GNL1: variants seen among roughly 807,000 people sequenced by gnomAD.
GNL1 encodes guanine nucleotide-binding protein-like 1.
In GNL1, 21 loss-of-function variants were observed where a neutral mutation model predicts 75.2. The ratio of observed to expected loss-of-function variants is 0.28; its 90% CI spans 0.20 to 0.40. GNL1 has a LOEUF of 0.40. Ranked by LOEUF, GNL1 falls within the 10% of genes least tolerant of loss-of-function variation. GNL1 has a pLI of 1.00. For synonymous variants in GNL1, 287 were observed against 303.4 expected (o/e 0.95, Z 0.56); for missense variants, 579 against 775.0 (o/e 0.75, Z 3.00).
At position 30,542,016 on chromosome 6, in the gene GNL1, C is replaced by T. The variant is rs1799197064; in HGVS notation, c.*4056G>A. On this transcript the variant is annotated 3_prime_UTR_variant, in exon 12 of 12. Coordinates refer to ENST00000376621, the MANE Select transcript of GNL1 (RefSeq NM_005275.5). This position sits in a 1 kb window ranked among gnomAD's most constrained non-coding sequence, Gnocchi z 4.5. ...CTTCCTAACATCGTGTTAACACACTCCAAACTAAAAAAGTTCCTCAACTGC... is the reference window on the plus strand; with the variant it reads ...CTTCCTAACATCGTGTTAACACACTTCAAACTAAAAAAGTTCCTCAACTGC... 1 of 152,272 alleles carries T rather than the reference C, an allele frequency of 6.6e-6. No homozygotes were observed. Among genetic ancestry groups the T allele is most frequent in the African/African-American group, 2.4e-5 (1 of 41,454 alleles). The allele number at this position is 152,272 out of a possible 1,614,324, so 9.4% of individuals were successfully genotyped here.
rs1799286078 is a variant in GNL1 at position 30,543,526 on chromosome 6, AG to A, written c.*2545del. On this transcript the variant is annotated 3_prime_UTR_variant, in exon 12 of 12. Transcript: ENST00000376621. Reference sequence around the variant, plus strand: ...ACTAACCATCTTATTTAGTTATGACAGTTCAATAGAAACACGTAAAATAATG... The same window carrying A: ...ACTAACCATCTTATTTAGTTATGACATTCAATAGAAACACGTAAAATAATG... 6.6e-6 allele frequency: 1 copy of A among 152,238 alleles called. No homozygotes were observed. The highest frequency in any genetic ancestry group is 2.4e-5 in the African/African-American group (1 of 41,464). The allele number at this position is 152,238 out of a possible 1,614,324, so 9.4% of individuals were successfully genotyped here.
chr6:30,550,204 T>C (rs1196225544), intron 8 of GNL1, among the ~76,000 whole-genome samples: 2 of 152,034 alleles, frequency 1.3e-5, no homozygotes, highest in African/African-American at 4.8e-5. Context: ...CAAATTTCCG[T>C]CCTCTTCTCT....
Position 30,555,522 on chromosome 6 carries a change from A to G in GNL1, c.239+33T>C. On this transcript the variant is annotated intron_variant, in intron 2 of 11. Transcript: ENST00000376621. This position sits in a 1 kb window ranked among gnomAD's most constrained non-coding sequence, Gnocchi z 4.3. The stretch of plus-strand genomic sequence containing the variant: ...AAGCTCTGACTTCCGGGTAGGCGGG[A>G]AAGCCGGGACCAGCGCCCCCTCCCA... 6.3e-7 allele frequency: 1 copy of G among 1,589,026 alleles called. No individual in the cohort carries two copies. The highest frequency in any genetic ancestry group is 8.6e-7 in the Non-Finnish European group (1 of 1,163,540).
chr6:30,547,370 A>T lies in GNL1; in HGVS notation c.1260T>A (p.Leu420=). Residue 420 remains leucine, a synonymous_variant, in exon 9 of 12, where the codon CTT becomes CTA. Coordinates refer to ENST00000376621, the MANE Select transcript of GNL1 (RefSeq NM_005275.5). This position sits in a 1 kb window ranked among gnomAD's most constrained non-coding sequence, Gnocchi z 5.5. ...GTCATACCTGCAACTGCCTAGGCAG[A>T]AGAGATGGGAAGATGAGGCCTGGGC... ...CDCPGLIFPS[L]LPRQLQVLAG... 6.2e-7 allele frequency: 1 copy of T among 1,609,690 alleles called. No homozygotes were observed. The highest frequency in any genetic ancestry group is 8.5e-7 in the Non-Finnish European group (1 of 1,178,090).
rs752910044 is a variant in GNL1, at chr6:30,556,231, TCCGCCGAGCTCCCG to T, written c.-42_-29del. Reference sequence around the variant, plus strand: ...CCCGGACCAGTCACCTGGCCCGCCCTCCGCCGAGCTCCCGCCGCCTCAACTGACTGCCCCCCGGG... The same window carrying T: ...CCCGGACCAGTCACCTGGCCCGCCCTCCGCCTCAACTGACTGCCCCCCGGG... On this transcript the variant is annotated 5_prime_UTR_variant, in exon 1 of 12. Coordinates refer to ENST00000376621, the MANE Select transcript of GNL1 (RefSeq NM_005275.5). This position sits in a 1 kb window ranked among gnomAD's most constrained non-coding sequence, Gnocchi z 5.7. The T allele has an allele frequency of 6.3e-7, 1 of 1,598,686 alleles. No homozygotes were observed. Among genetic ancestry groups the T allele is most frequent in the Non-Finnish European group, 8.5e-7 (1 of 1,179,252 alleles).
In GNL1 at chr6:30,546,741, G is replaced by A. The variant is rs767423869; in HGVS notation, c.1537C>T (p.Arg513Cys). ...GGGGGATGAAAACACAGGCTGAGGC[G>A]GCCGTCCACTGCCAGCCGCAAGAGA... ...NSLLRLAVDGRLSLCFHPPGY... is the reference protein window; with the variant it reads ...NSLLRLAVDGCLSLCFHPPGY... Residue 513 changes from arginine to cysteine, a missense_variant, in exon 11 of 12, where the codon CGC (arginine) becomes TGC (cysteine). Transcript: ENST00000376621. This position sits in a 1 kb window ranked among gnomAD's most constrained non-coding sequence, Gnocchi z 5.1. 1.7e-4 allele frequency: 274 copies of A among 1,609,972 alleles called. No homozygotes were observed. The highest frequency in any genetic ancestry group is 2.1e-4 in the Non-Finnish European group (247 of 1,177,550).
At position 30,556,237 on chromosome 6, in the gene GNL1, G is replaced by A. The variant is rs748977150; in HGVS notation, c.-34C>T. Reference sequence around the variant, plus strand: ...CCAGTCACCTGGCCCGCCCTCCGCCGAGCTCCCGCCGCCTCAACTGACTGC... The same window carrying A: ...CCAGTCACCTGGCCCGCCCTCCGCCAAGCTCCCGCCGCCTCAACTGACTGC... On this transcript the variant is annotated 5_prime_UTR_variant, in exon 1 of 12. Coordinates refer to ENST00000376621, the MANE Select transcript of GNL1 (RefSeq NM_005275.5). This position sits in a 1 kb window ranked among gnomAD's most constrained non-coding sequence, Gnocchi z 5.7. 23 of 1,598,006 alleles carry A rather than the reference G, an allele frequency of 1.4e-5. No individual in the cohort carries two copies. Among genetic ancestry groups the A allele is most frequent in the Non-Finnish European group, 1.9e-5 (22 of 1,178,910 alleles).
At position 30,553,339 on chromosome 6, in the gene GNL1, T is replaced by G; in HGVS notation, c.808+11A>C. The G allele has an allele frequency of 6.2e-7, 1 of 1,605,424 alleles. No homozygotes were observed. Among genetic ancestry groups the G allele is most frequent in the Non-Finnish European group, 8.5e-7 (1 of 1,174,078 alleles). On this transcript the variant is annotated intron_variant, in intron 6 of 11. Transcript: ENST00000376621. Reference sequence around the variant, plus strand: ...CCTCTCCCAAGTTGCCCTCTCTCATTGCCCACTCACCACTACTAGGGTCCT... The same window carrying G: ...CCTCTCCCAAGTTGCCCTCTCTCATGGCCCACTCACCACTACTAGGGTCCT...
intron 6 of GNL1, 54 bp downstream of exon 6, chr6:30,553,296 T>C: frequency 2.7e-6 from 4 of 1,467,296 alleles, no homozygotes; most frequent in Non-Finnish European, 3.8e-6. Context: ...GTTCTCCCCT[T>C]TGTCCCCTGC....
chr6:30,553,409 T>C lies in GNL1; in HGVS notation c.749A>G (p.His250Arg). The change falls in exon 6 of 12, where the codon CAC becomes CGC. Residue 250 changes from histidine to arginine, a missense_variant. By Grantham distance (29) the His-to-Arg change is conservative. Coordinates refer to ENST00000376621, the MANE Select transcript of GNL1 (RefSeq NM_005275.5). Reference protein sequence around the residue: ...HYFHQHYPQLHVVLFTSFPRD... With the variant: ...HYFHQHYPQLRVVLFTSFPRD... Reference sequence around the variant, plus strand: ...AGGAAAAGAGGTGAAAAGGACGACGTGGAGCTGGGGATAGTGTTGATGGAA... The same window carrying C: ...AGGAAAAGAGGTGAAAAGGACGACGCGGAGCTGGGGATAGTGTTGATGGAA... 1.9e-6 allele frequency: 3 copies of C among 1,612,838 alleles called. No individual in the cohort carries two copies. The highest frequency in any genetic ancestry group is 2.5e-6 in the Non-Finnish European group (3 of 1,180,010).
chr6:30,555,663 C>T lies in GNL1; in HGVS notation c.131G>A (p.Arg44Gln). The change falls in exon 2 of 12, where the codon CGA becomes CAA. Residue 44 changes from arginine to glutamine, a missense_variant. Arg to Gln is a conservative substitution (Grantham distance 43). Coordinates refer to ENST00000376621, the MANE Select transcript of GNL1 (RefSeq NM_005275.5). The surrounding 1 kb of genome is among the most constrained non-coding windows in gnomAD (Gnocchi z 4.3). ...GTCCGAGGTGTCGGTCTGTTCCTCT[C>T]GCCGCTCCCGGCTCCCGCTGCGGCT... is the stretch of plus-strand genomic sequence containing the variant. ...SNSRSGSRERREEQTDTSDGE... is the reference protein window; with the variant it reads ...SNSRSGSRERQEEQTDTSDGE... 1 of 1,614,040 alleles carries T rather than the reference C, an allele frequency of 6.2e-7. No individual in the cohort carries two copies. Among genetic ancestry groups the T allele is most frequent in the Non-Finnish European group, 8.5e-7 (1 of 1,180,000 alleles).
At position 30,548,350 on chromosome 6, in the gene GNL1, C is replaced by T. The variant is rs973347213; in HGVS notation, c.1100-820G>A. Among the ~76,000 whole-genome samples, 3 of 152,008 alleles carry T rather than the reference C, an allele frequency of 2.0e-5. No homozygotes were observed. Among genetic ancestry groups the T allele is most frequent in the Non-Finnish European group, 2.9e-5 (2 of 68,016 alleles). On this transcript the variant is annotated intron_variant, in intron 8 of 11. Coordinates refer to ENST00000376621, the MANE Select transcript of GNL1 (RefSeq NM_005275.5). The surrounding 1 kb of genome is among the most constrained non-coding windows in gnomAD (Gnocchi z 4.2). ...TTTACCCCACCTCAGCTGCCCACTC[C>T]CATGGTAATACCTGCATCTTGTCAC...
chr6:30,553,430 T>C lies in GNL1; in HGVS notation c.728A>G (p.His243Arg), dbSNP rs372049810. 4.7e-5 allele frequency: 75 copies of C among 1,612,800 alleles called. 3 individuals are homozygous for C. Among genetic ancestry groups the C allele is most frequent in the East Asian group, 2.7e-4 (12 of 44,894 alleles). ...ALVVAWKHYF[H>R]QHYPQLHVVL... The stretch of plus-strand genomic sequence containing the variant: ...GACGTGGAGCTGGGGATAGTGTTGA[T>C]GGAAATAATGCTTCCAGGCAACCAC... The change falls in exon 6 of 12, where the codon CAT becomes CGT. Residue 243 changes from histidine to arginine, a missense_variant. His to Arg is a conservative substitution (Grantham distance 29). Transcript: ENST00000376621.
rs1046565315 is a variant in GNL1 at position 30,556,375 on chromosome 6, G to A, written c.-172C>T. The stretch of plus-strand genomic sequence containing the variant: ...TACCGCCGCGGCGGCGATGGAAGGC[G>A]GACGGGGGAGATATAGTCACTTCCC... On this transcript the variant is annotated 5_prime_UTR_variant, in exon 1 of 12. Transcript: ENST00000376621. The surrounding 1 kb of genome is among the most constrained non-coding windows in gnomAD (Gnocchi z 5.7). The A allele has an allele frequency of 5.9e-6, 4 of 676,580 alleles. No individual in the cohort carries two copies. The highest frequency in any genetic ancestry group is 1.8e-5 in the African/African-American group (1 of 55,610). 41.9% of individuals were successfully genotyped at this position (676,580 alleles called of 1,614,324 possible). A position where few individuals can be genotyped will look rare whatever the true frequency, so the allele number is the denominator to read the frequency against.
Position 30,546,717 on chromosome 6 carries a change from G to C in GNL1, c.1561C>G (p.Pro521Ala), listed in dbSNP as rs1799475042. The C allele has an allele frequency of 6.2e-7, 1 of 1,609,738 alleles. No homozygotes were observed. Among genetic ancestry groups the C allele is most frequent in the Admixed American group, 1.7e-5 (1 of 59,854 alleles). The change falls in exon 11 of 12, where the codon CCA becomes GCA. Residue 521 changes from proline to alanine, a missense_variant. Physicochemically the swap from Pro to Ala is conservative, Grantham distance 27. Coordinates refer to ENST00000376621, the MANE Select transcript of GNL1 (RefSeq NM_005275.5). This position sits in a 1 kb window ranked among gnomAD's most constrained non-coding sequence, Gnocchi z 5.1. The part of the protein sequence containing the change: ...DGRLSLCFHP[P>A]GYSEQKGTWE... ...TGACCTTTCTGTTCACTGTAGCCTG[G>C]GGGATGAAAACACAGGCTGAGGCGG...
chr6:30,548,855 C>A lies in GNL1; in HGVS notation c.1100-1325G>T, dbSNP rs533974505. The stretch of plus-strand genomic sequence containing the variant: ...GCAGGAAAACTCCTTAAAAGACTTA[C>A]CTACTTTTTTCACCATTTCTTCCTG... On this transcript the variant is annotated intron_variant, in intron 8 of 11. Transcript: ENST00000376621. This position sits in a 1 kb window ranked among gnomAD's most constrained non-coding sequence, Gnocchi z 4.2. 6.6e-6 allele frequency among the ~76,000 whole-genome samples: 1 copy of A among 152,176 alleles called. No homozygotes were observed. The highest frequency in any genetic ancestry group is 1.5e-5 in the Non-Finnish European group (1 of 68,030).
chr6:30,552,262 G>C lies in GNL1; in HGVS notation c.1099+205C>G. ...AAAATCACTTACTCAAGACCTCACA[G>C]CTGAGAAGAGGTGGAATTTAACTCA... On this transcript the variant is annotated intron_variant, in intron 8 of 11. Transcript: ENST00000376621. This position sits in a 1 kb window ranked among gnomAD's most constrained non-coding sequence, Gnocchi z 4.5. 5.6e-6 allele frequency: 3 copies of C among 531,958 alleles called. No homozygotes were observed. The highest frequency in any genetic ancestry group is 1.0e-5 in the Non-Finnish European group (3 of 298,478). 33.0% of individuals were successfully genotyped at this position (531,958 alleles called of 1,614,324 possible). A position where few individuals can be genotyped will look rare whatever the true frequency, so the allele number is the denominator to read the frequency against.
rs1324402156 is a variant in GNL1 at position 30,544,366 on chromosome 6, A to T, written c.*1706T>A. ...AAGCAGAGGTACAAATAGAATTCTG[A>T]TTTTTCTCCTTTCTCTCCATATTTT... is the stretch of plus-strand genomic sequence containing the variant. On this transcript the variant is annotated 3_prime_UTR_variant, in exon 12 of 12. Transcript: ENST00000376621. 2.0e-5 allele frequency: 3 copies of T among 152,088 alleles called. No homozygotes were observed. The highest frequency in any genetic ancestry group is 4.4e-5 in the Non-Finnish European group (3 of 68,040). The allele number at this position is 152,088 out of a possible 1,614,324, so 9.4% of individuals were successfully genotyped here. A position where few individuals can be genotyped will look rare whatever the true frequency, so the allele number is the denominator to read the frequency against.
In GNL1 at chr6:30,543,344, TCA is replaced by T; in HGVS notation, c.*2726_*2727del. On this transcript the variant is annotated 3_prime_UTR_variant, in exon 12 of 12. Coordinates refer to ENST00000376621, the MANE Select transcript of GNL1 (RefSeq NM_005275.5). ...TGTACCACCCTTCTCCCAGAACTTA[TCA>T]CACTTTTTTTTTGTAATTGTGTTTC... is the stretch of plus-strand genomic sequence containing the variant. 1 of 152,340 alleles carries T rather than the reference TCA, an allele frequency of 6.6e-6. No homozygotes were observed. Among genetic ancestry groups the T allele is most frequent in the Admixed American group, 6.5e-5 (1 of 15,292 alleles). 9.4% of individuals were successfully genotyped at this position (152,340 alleles called of 1,614,324 possible). A position where few individuals can be genotyped will look rare whatever the true frequency, so the allele number is the denominator to read the frequency against.
Sources: gnomAD v4.1 joint callset for allele counts (sites outside exome capture counted in the v4.1 genomes callset) on GRCh38, gnomAD v4.1.1 for gene constraint, Gnocchi (gnomAD v3.1) non-coding constraint, MANE v1.5 for transcripts, NCBI Gene and HGNC (gene_info 2026-07-23, HGNC 2026-07-21) for gene names.